The following PTPRG variants were observed in gnomAD, a reference collection of about 807,000 sequenced individuals.
PTPRG encodes protein tyrosine phosphatase receptor type G.
In PTPRG, 102 loss-of-function variants were observed where a neutral mutation model predicts 165.3. The ratio of observed to expected loss-of-function variants is 0.62; its 90% CI spans 0.53 to 0.73. The LOEUF (loss-of-function observed/expected upper bound fraction) is 0.73. Ranked by LOEUF, PTPRG falls within the 30% of genes least tolerant of loss-of-function variation. PTPRG has a pLI of 0.00. For missense variants in PTPRG, 1,866 were observed against 1,861.4 expected (o/e 1.00, Z -0.05); for synonymous variants, 675 against 669.5 (o/e 1.01, Z -0.13).
intron 1 of PTPRG, among the ~76,000 whole-genome samples, chr3:61,620,890 A>C (rs946658208): frequency 1.3e-5 from 2 of 151,792 alleles, no homozygotes; most frequent in Non-Finnish European, 2.9e-5. Flanking sequence ...CAGCCTCCCA[A>C]CATGCTGGGA....
At position 61,729,811 on chromosome 3, in the gene PTPRG, T is replaced by G. The variant is rs78381851; in HGVS notation, c.86-19067T>G. On this transcript the variant is annotated intron_variant, in intron 1 of 29. Transcript: ENST00000474889. ...TTTATGTACTCTCTTGCCTATTTAA[T>G]GTACTCTGCTCATTAATGTACTTTG... 7.9e-3 allele frequency among the ~76,000 whole-genome samples: 1,209 copies of G among 152,314 alleles called. 23 individuals are homozygous for G. The highest frequency in any genetic ancestry group is 0.027 in the African/African-American group (1,128 of 41,572).
rs376402081 is a variant in PTPRG, at chr3:61,562,251, C to T, written c.-37C>T. 1.6e-5 allele frequency: 26 copies of T among 1,588,728 alleles called. No homozygotes were observed. The highest frequency in any genetic ancestry group is 2.7e-5 in the African/African-American group (2 of 74,390). On this transcript the variant is annotated 5_prime_UTR_variant, in exon 1 of 30. Coordinates refer to ENST00000474889, the MANE Select transcript of PTPRG (RefSeq NM_002841.4). ...GCAAGAACTTATTCAACAAGTTTAC[C>T]TCCCTGCTTTCCTCTTTTCGATGTG...
chr3:62,198,366 C>T (rs1559637450), intron 10 of PTPRG, among the ~76,000 whole-genome samples: 1 of 152,066 alleles, frequency 6.6e-6, no homozygotes, highest in African/African-American at 2.4e-5. Flanking sequence ...ATTGCAAAGC[C>T]CAATCACTAA....
chr3:62,040,166 TA>T (rs1215019072), intron 4 of PTPRG, among the ~76,000 whole-genome samples: 1 of 152,148 alleles, frequency 6.6e-6, no homozygotes, highest in African/African-American at 2.4e-5. Context: ...CTAATGAACA[TA>T]AGAAGAAAGC....
chr3:62,270,081 G>A (rs1702011298), intron 20 of PTPRG, among the ~76,000 whole-genome samples: 1 of 152,110 alleles, frequency 6.6e-6, no homozygotes, highest in South Asian at 2.1e-4. Flanking sequence ...ATGTGAAACT[G>A]CAGATAAGGA....
In PTPRG at chr3:61,681,054, T is replaced by TAAAAAA. The variant is rs61198100; in HGVS notation, c.86-67806_86-67801dup. Among the ~76,000 whole-genome samples, 306 of 66,046 alleles carry TAAAAAA rather than the reference T, an allele frequency of 4.6e-3. 3 individuals are homozygous for TAAAAAA. Among genetic ancestry groups the TAAAAAA allele is most frequent in the Admixed American group, 7.8e-3 (40 of 5,132 alleles). The allele number at this position is 66,046 out of a possible 152,430, so 43.3% of individuals were successfully genotyped here. A position where few individuals can be genotyped will look rare whatever the true frequency, so the allele number is the denominator to read the frequency against. On this transcript the variant is annotated intron_variant, in intron 1 of 29. Coordinates refer to ENST00000474889, the MANE Select transcript of PTPRG (RefSeq NM_002841.4). ...GAGTTAATCTTATATCTTTATGTTC[T>TAAAAAA]AAAAAAAAAAAAAAAAAAAAAAAGA...
intron 1 of PTPRG, among the ~76,000 whole-genome samples, chr3:61,738,134 G>A (rs1443423325): frequency 2.0e-5 from 3 of 149,272 alleles, no homozygotes; most frequent in African/African-American, 4.9e-5. Context: ...TCCTGACCTC[G>A]TGATCCACCC....
chr3:61,938,191 G>A (rs887213851), intron 2 of PTPRG, among the ~76,000 whole-genome samples: 1 of 142,282 alleles, frequency 7.0e-6, no homozygotes, highest in African/African-American at 2.6e-5. Context: ...GCTTTAACAT[G>A]TATGTTTGTT....
chr3:61,929,517 TC>T (rs1207767957), intron 2 of PTPRG, among the ~76,000 whole-genome samples: 1 of 152,180 alleles, frequency 6.6e-6, no homozygotes, highest in Non-Finnish European at 1.5e-5. Context: ...ATAATGGGCT[TC>T]CTTTGAGCAA....
intron 1 of PTPRG, among the ~76,000 whole-genome samples, chr3:61,708,099 T>C (rs1389256723): frequency 6.6e-6 from 1 of 152,074 alleles, no homozygotes; most frequent in African/African-American, 2.4e-5. Context: ...GTTTTTTTTT[T>C]ATTTTTTAGG....
At chr3:62,171,453 T>C (rs11708260) in intron 8 of PTPRG, among the ~76,000 whole-genome samples, 1 of 152,152 alleles carries the variant, frequency 6.6e-6, no homozygotes, top group African/African-American at 2.4e-5. Flanking sequence ...ACAGCTATGG[T>C]AAATGTATAA....
At chr3:62,043,634 T>A (rs1474645247) in intron 4 of PTPRG, among the ~76,000 whole-genome samples, 1 of 152,212 alleles carries the variant, frequency 6.6e-6, no homozygotes, top group African/African-American at 2.4e-5. Context: ...ATCATATACT[T>A]CGAAGTTAGG....
chr3:62,036,981 A>ACG (rs1553707727), intron 4 of PTPRG, among the ~76,000 whole-genome samples: 443 of 111,884 alleles, frequency 4.0e-3, no homozygotes, highest in Middle Eastern at 0.013. Context: ...GCGCGCGCGC[A>ACG]CGCACACACA....
At chr3:61,918,119 G>A (rs959964173) in intron 2 of PTPRG, among the ~76,000 whole-genome samples, 3 of 152,184 alleles carry the variant, frequency 2.0e-5, no homozygotes, top group Admixed American at 6.5e-5. Flanking sequence ...AATGAGATGA[G>A]GAGGAAAATA....
At chr3:61,565,019 T>C (rs1699873227) in intron 1 of PTPRG, among the ~76,000 whole-genome samples, 1 of 152,248 alleles carries the variant, frequency 6.6e-6, no homozygotes, top group Admixed American at 6.5e-5. Flanking sequence ...GGGTCGTCCT[T>C]GTGAGGTCTT....
intron 2 of PTPRG, among the ~76,000 whole-genome samples, chr3:61,935,039 A>G (rs1158411992): frequency 6.6e-6 from 1 of 152,018 alleles, no homozygotes; most frequent in Non-Finnish European, 1.5e-5. Context: ...TTTCCATTCC[A>G]GGGGTTTACA....
At chr3:62,292,743 G>A (rs1702944854) in intron 29 of PTPRG, 187 bp downstream of exon 29, 3 of 633,688 alleles carry the variant, frequency 4.7e-6, no homozygotes, top group Non-Finnish European at 8.0e-6. Context: ...CAGAGATGCT[G>A]CTAAGCAAAC....
At chr3:61,731,524 A>G (rs1444385772) in intron 1 of PTPRG, among the ~76,000 whole-genome samples, 1 of 151,232 alleles carries the variant, frequency 6.6e-6, no homozygotes, top group Non-Finnish European at 1.5e-5. Context: ...AATTTTTTGT[A>G]TTTTAGTAGA....
chr3:61,580,941 T>C (rs1175030111), intron 1 of PTPRG, among the ~76,000 whole-genome samples: 2 of 152,206 alleles, frequency 1.3e-5, no homozygotes, highest in African/African-American at 4.8e-5. Context: ...AGGGAAGTAA[T>C]GTCTTGATGG....
Sources: allele counts gnomAD v4.1 joint callset (sites outside exome capture counted in the v4.1 genomes callset), GRCh38; gene constraint gnomAD v4.1.1; transcripts MANE v1.5; gene names NCBI Gene and HGNC (gene_info 2026-07-23, HGNC 2026-07-21).